Variants in HUWE1 observed in about 807,000 individuals in gnomAD.
The protein encoded by HUWE1 is E3 ubiquitin-protein ligase HUWE1.
In HUWE1, 18 loss-of-function variants were observed where a neutral mutation model predicts 299.4. That is an observed-to-expected ratio of 0.06 (90% CI 0.04 to 0.09). HUWE1 has a LOEUF of 0.09. HUWE1 is among the 10% of genes least tolerant of loss of function. HUWE1 has a pLI of 1.00. For synonymous variants in HUWE1, 1,317 were observed against 1,286.1 expected (o/e 1.02, Z -0.51); for missense variants, 1,832 against 3,462.3 (o/e 0.53, Z 11.82).
chrX:53,600,904 A>G (rs1002652799), intron 28 of HUWE1, among the ~76,000 whole-genome samples: 5 of 112,426 alleles, frequency 4.4e-5, no homozygotes, highest in African/African-American at 1.3e-4. Flanking sequence ...TAGAAAAAAT[A>G]TATCTGTTAG....
At chrX:53,577,812 G>A (rs1226295601) in intron 43 of HUWE1, among the ~76,000 whole-genome samples, 4 of 114,601 alleles carry the variant, frequency 3.5e-5, no homozygotes, top group South Asian at 3.4e-4. Context: ...ACGGAGTCTC[G>A]TTCACTCAGT....
chrX:53,656,457 G>A, intron 3 of HUWE1, among the ~76,000 whole-genome samples: 1 of 103,418 alleles, frequency 9.7e-6, no homozygotes, highest in East Asian at 3.0e-4. Context: ...CAGGAGAATG[G>A]CATGAACCCG....
rs1407872376 is a variant in HUWE1 at position 53,533,546 on chromosome X, C to T, written c.13023-135G>A. ...GCTTCTTGATGACTCCCAATCTTGT[C>T]TCAGCCCAGTATGTCCCCCTTTATC... On this transcript the variant is annotated intron_variant, in intron 83 of 83. Coordinates refer to ENST00000262854, the MANE Select transcript of HUWE1 (RefSeq NM_031407.7). The T allele has an allele frequency of 5.7e-6, 3 of 522,171 alleles. No individual in the cohort carries two copies. The African/African-American group carries it at 7.0e-5, about 12-fold the overall frequency. 43.0% of individuals were successfully genotyped at this position (522,171 alleles called of 1,213,427 possible).
intron 43 of HUWE1, among the ~76,000 whole-genome samples, chrX:53,578,905 G>C (rs2063408615): frequency 1.3e-5 from 1 of 75,591 alleles, no homozygotes; most frequent in African/African-American, 5.3e-5. Context: ...AGGGAGGTGG[G>C]GGGATCAGCC....
intron 37 of HUWE1, among the ~76,000 whole-genome samples, chrX:53,587,306 A>G: frequency 8.9e-6 from 1 of 112,495 alleles, no homozygotes; most frequent in Non-Finnish European, 1.9e-5. Flanking sequence ...GGAAAATGGA[A>G]TAATTAAACA....
chrX:53,562,364 A>T, intron 53 of HUWE1, 120 bp from the exon 54 acceptor site: 1 of 920,036 alleles, frequency 1.1e-6, no homozygotes, highest in South Asian at 2.1e-5. Context: ...AGGAAGAACC[A>T]GATCTGGGGT....
Position 53,600,125 on chromosome X carries a change from C to G in HUWE1, c.3156G>C (p.Leu1052Phe). Residue 1052 changes from leucine (L) to phenylalanine (F), a missense_variant, in exon 29 of 84, where the codon TTG (leucine) becomes TTC (phenylalanine). Physicochemically the swap from Leu to Phe is conservative, Grantham distance 22 (BLOSUM62 0). Coordinates refer to ENST00000262854, the MANE Select transcript of HUWE1 (RefSeq NM_031407.7). ...GAAAGGAGAATGACTCACCTGATAA[C>G]AAAGGCTTGATTTGCTTAATTCTGG... ...MAARIKQIKPLLSASSRLGRA... is the reference protein window; with the variant it reads ...MAARIKQIKPFLSASSRLGRA... 1 of 1,210,838 alleles carries G rather than the reference C, an allele frequency of 8.3e-7. No individual in the cohort carries two copies. Among genetic ancestry groups the G allele is most frequent in the East Asian group, 3.0e-5 (1 of 33,843 alleles).
At chrX:53,541,177 T>C (rs58797707) in intron 74 of HUWE1, among the ~76,000 whole-genome samples, 1 of 112,382 alleles carries the variant, frequency 8.9e-6, no homozygotes, top group African/African-American at 3.2e-5. Flanking sequence ...CCACTATACA[T>C]GTTTTAACTC....
At position 53,593,612 on chromosome X, in the gene HUWE1, A is replaced by G. The variant is rs900239067; in HGVS notation, c.3504-11T>C. On this transcript the variant is annotated splice_polypyrimidine_tract_variant and intron_variant, in intron 31 of 83. Coordinates refer to ENST00000262854, the MANE Select transcript of HUWE1 (RefSeq NM_031407.7). ...GCCCAGTTGAAAGTTCTAAATTCAA[A>G]TAAGGAAAAGTAGACAGAATATTAG... 8.6e-7 allele frequency: 1 copy of G among 1,156,233 alleles called. No homozygotes were observed. The highest frequency in any genetic ancestry group is 1.2e-6 in the Non-Finnish European group (1 of 845,914).
intron 15 of HUWE1, among the ~76,000 whole-genome samples, chrX:53,628,092 G>A (rs782383181): frequency 9.0e-6 from 1 of 111,009 alleles, no homozygotes; most frequent in Non-Finnish European, 1.9e-5. Flanking sequence ...TACTTTGCAG[G>A]ATTAAGTAAG....
At chrX:53,636,647 G>T (rs782762580) in intron 7 of HUWE1, among the ~76,000 whole-genome samples, 1 of 111,730 alleles carries the variant, frequency 9.0e-6, no homozygotes, top group Non-Finnish European at 1.9e-5. Flanking sequence ...GCCTGAACCC[G>T]GGAGGCAGAG....
At chrX:53,581,920 G>A (rs782058848) in intron 42 of HUWE1, among the ~76,000 whole-genome samples, 1 of 111,594 alleles carries the variant, frequency 9.0e-6, no homozygotes, top group East Asian at 2.8e-4. Flanking sequence ...TTAGTTATCA[G>A]ATAAATTCTT....
chrX:53,626,597 C>G (rs1474909527), intron 17 of HUWE1, among the ~76,000 whole-genome samples: 2 of 111,694 alleles, frequency 1.8e-5, no homozygotes, highest in Non-Finnish European at 3.8e-5. Context: ...CGCACCGAAA[C>G]TAGTAGCTAT....
chrX:53,542,375 G>A lies in HUWE1; in HGVS notation c.11476+68C>T, dbSNP rs1556919267. On this transcript the variant is annotated intron_variant, in intron 74 of 83. Coordinates refer to ENST00000262854, the MANE Select transcript of HUWE1 (RefSeq NM_031407.7). ...GGGCTTATATATGCTGGGAGCAGGG[G>A]ATTCAGCAGACATTCCAGAAGACTG... The A allele has an allele frequency of 1.4e-5, 10 of 706,273 alleles. No homozygotes were observed. In the Admixed American group the frequency reaches 1.6e-4, roughly 11 times the overall value. The allele number at this position is 706,273 out of a possible 1,213,427, so 58.2% of individuals were successfully genotyped here.
Position 53,621,237 on chromosome X carries a change from G to C in HUWE1, c.1672+3358C>G, listed in dbSNP as rs782438719. ...CCACAGGCCTGAAAATATCTTTGTG[G>C]AATATTCTGGCTCTAGTTGGCCTGT... On this transcript the variant is annotated intron_variant, in intron 19 of 83. Coordinates refer to ENST00000262854, the MANE Select transcript of HUWE1 (RefSeq NM_031407.7). Among the ~76,000 whole-genome samples, 339 of 110,110 alleles carry C rather than the reference G, an allele frequency of 3.1e-3. 3 individuals are homozygous for C. The highest frequency in any genetic ancestry group is 3.4e-3 in the Non-Finnish European group (181 of 52,788).
intron 15 of HUWE1, 142 bp downstream of exon 15, chrX:53,628,351 C>T (rs1313780056): frequency 1.7e-6 from 1 of 596,877 alleles, no homozygotes; most frequent in Admixed American, 4.0e-5. Flanking sequence ...GCCAAACTGG[C>T]CTTCTACTTA....
At chrX:53,643,717 T>G (rs1557033080) in intron 7 of HUWE1, among the ~76,000 whole-genome samples, 2 of 112,318 alleles carry the variant, frequency 1.8e-5, no homozygotes, top group African/African-American at 6.5e-5. Context: ...TGTATATTGA[T>G]CTCTTGGCTA....
intron 2 of HUWE1, among the ~76,000 whole-genome samples, chrX:53,683,283 AGAG>A (rs1296837360): frequency 6.3e-5 from 7 of 110,858 alleles, no homozygotes; most frequent in African/African-American, 2.3e-4. Flanking sequence ...GGGTGTGGGG[AGAG>A]GAGGAGGAGT....
intron 2 of HUWE1, among the ~76,000 whole-genome samples, chrX:53,685,538 CTAT>C (rs2070401038): frequency 8.9e-6 from 1 of 112,209 alleles, no homozygotes; most frequent in African/African-American, 3.2e-5. Context: ...CCTATATAAA[CTAT>C]TGATATTTGC....
Sources: allele counts gnomAD v4.1 joint callset (sites outside exome capture counted in the v4.1 genomes callset), GRCh38; gene constraint gnomAD v4.1.1; transcripts MANE v1.5; gene names NCBI Gene and HGNC (gene_info 2026-07-23, HGNC 2026-07-21).